Variants in PKD1 observed in about 807,000 individuals in gnomAD.
The protein encoded by PKD1 is polycystin 1, transient receptor potential channel interacting.
In PKD1, 81 loss-of-function variants were observed where a neutral mutation model predicts 361.7. That is an observed-to-expected ratio of 0.22 (90% CI 0.19 to 0.27). PKD1 has a LOEUF of 0.27. Among genes scored for constraint, PKD1 ranks in the 10% least tolerant of loss-of-function variants. The pLI is 1.00. For missense variants in PKD1, 6,399 were observed against 6,118.3 expected (o/e 1.05, Z -1.53); for synonymous variants, 3,615 against 2,818.3 (o/e 1.28, Z -8.95).
At position 2,111,321 on chromosome 16, in the gene PKD1, G is replaced by A; in HGVS notation, c.3846C>T (p.His1282=). The A allele has an allele frequency of 6.2e-7, 1 of 1,608,874 alleles. No individual in the cohort carries two copies. Among genetic ancestry groups the A allele is most frequent in the South Asian group, 1.1e-5 (1 of 90,910 alleles). ...CCAGCACGTGCAGGCTCCGGGCCAG[G>A]TGGCCGGCGGGGCTGGCCGCACCCA... ...VTVGAASPAG[H]LARSLHVLVF... is the part of the protein sequence containing the mutation. The change falls in exon 15 of 46, where the codon CAC becomes CAT. Residue 1282 remains histidine (H), a synonymous_variant. Coordinates refer to ENST00000262304, the MANE Select transcript of PKD1 (RefSeq NM_001009944.3).
At chr16:2,093,485 G>T in intron 37 of PKD1, 59 bp downstream of exon 37, 1 of 1,469,076 alleles carries the variant, frequency 6.8e-7, no homozygotes. Context: ...GCGTGCATGG[G>T]TGGGAGGTGG....
rs1473931159 is a variant in PKD1 at position 2,135,881 on chromosome 16, A to C, written c.-192T>G. On this transcript the variant is annotated 5_prime_UTR_variant, in exon 1 of 46. Transcript: ENST00000262304. The stretch of plus-strand genomic sequence containing the variant: ...TCCGGGAGCTCGGCCGCCCGCTCGG[A>C]CGCTGGCGCTGCAGTGCGGGCCCCG... 1 of 216,978 alleles carries C rather than the reference A, an allele frequency of 4.6e-6. No homozygotes were observed. The highest frequency in any genetic ancestry group is 7.7e-6 in the Non-Finnish European group (1 of 129,252). 13.4% of individuals were successfully genotyped at this position (216,978 alleles called of 1,614,324 possible).
chr16:2,092,011 C>T, intron 40 of PKD1, 36 bp downstream of exon 40: 3 of 1,612,660 alleles, frequency 1.9e-6, no homozygotes, highest in Non-Finnish European at 2.5e-6. Context: ...CTCCCTTGTC[C>T]TTGGCGTAGA....
chr16:2,118,712 G>C lies in PKD1; in HGVS notation c.493C>G (p.Pro165Ala). 1 of 1,477,346 alleles carries C rather than the reference G, an allele frequency of 6.8e-7. No homozygotes were observed. The highest frequency in any genetic ancestry group is 9.2e-7 in the Non-Finnish European group (1 of 1,087,130). 91.5% of individuals were successfully genotyped at this position (1,477,346 alleles called of 1,614,324 possible). A position where few individuals can be genotyped will look rare whatever the true frequency, so the allele number is the denominator to read the frequency against. Residue 165 changes from proline to alanine, a missense_variant, in exon 4 of 46, where the codon CCT (proline) becomes GCT (alanine). Transcript: ENST00000262304. This position sits in a 1 kb window ranked among gnomAD's most constrained non-coding sequence, Gnocchi z 6.0. ...TCCAGCAAGGGGATGCCAAGCAGAGGCTGGCCAGCCAGGGAGCCAGGCCCA... is the reference window on the plus strand; with the variant it reads ...TCCAGCAAGGGGATGCCAAGCAGAGCCTGGCCAGCCAGGGAGCCAGGCCCA... ...CAGPGSLAGQ[P>A]LLGIPLLDSG...
chr16:2,107,176 T>A, intron 16 of PKD1: 2 of 588,882 alleles, frequency 3.4e-6, no homozygotes, highest in Non-Finnish European at 6.2e-6. Context: ...TCTGGTGTAC[T>A]GGACCCAGCT....
In PKD1 at chr16:2,118,225, G is replaced by A. The variant is rs866630522; in HGVS notation, c.767C>T (p.Ala256Val). The A allele has an allele frequency of 1.3e-6, 2 of 1,530,774 alleles. No homozygotes were observed. Among genetic ancestry groups the A allele is most frequent in the Non-Finnish European group, 1.8e-6 (2 of 1,140,726 alleles). The allele number at this position is 1,530,774 out of a possible 1,614,324, so 94.8% of individuals were successfully genotyped here. ...SLCSGPPPPPAPTCRGPTLLQ... is the reference protein window; with the variant it reads ...SLCSGPPPPPVPTCRGPTLLQ... Reference sequence around the variant, plus strand: ...GAGGGTGGGGCCCCTACAGGTGGGGGCAGGAGGTGGCGGGGGGCCGGAGCA... The same window carrying A: ...GAGGGTGGGGCCCCTACAGGTGGGGACAGGAGGTGGCGGGGGGCCGGAGCA... The change falls in exon 5 of 46, where the codon GCC (alanine) becomes GTC (valine). Residue 256 changes from alanine to valine, a missense_variant. Physicochemically the swap from Ala to Val is moderately conservative, Grantham distance 64 (BLOSUM62 0). Transcript: ENST00000262304. This position sits in a 1 kb window ranked among gnomAD's most constrained non-coding sequence, Gnocchi z 6.0.
At chr16:2,090,639 G>T in intron 44 of PKD1, 35 bp downstream of exon 44, 1 of 1,610,122 alleles carries the variant, frequency 6.2e-7, no homozygotes, top group Non-Finnish European at 8.5e-7. Flanking sequence ...GCTGAGCTGA[G>T]CTAAGACGCC....
At chr16:2,093,366 T>G (rs1567156985) in intron 37 of PKD1, 178 bp downstream of exon 37, 1 of 709,170 alleles carries the variant, frequency 1.4e-6, no homozygotes. Context: ...TGGCAGGGAC[T>G]GGGGCAGCAA....
At chr16:2,114,122 T>C (rs1218217091) in intron 11 of PKD1, 48 bp downstream of exon 11, 5 of 1,547,788 alleles carry the variant, frequency 3.2e-6, no homozygotes, top group Non-Finnish European at 3.5e-6. Context: ...GCACCCTGTC[T>C]GCAGGCACCT....
At position 2,091,905 on chromosome 16, in the gene PKD1, C is replaced by A. The variant is rs577599260; in HGVS notation, c.11413G>T (p.Ala3805Ser). The A allele has an allele frequency of 1.9e-6, 3 of 1,611,520 alleles. No individual in the cohort carries two copies. The highest frequency in any genetic ancestry group is 2.2e-5 in the East Asian group (1 of 44,870). The change falls in exon 41 of 46, where the codon GCA (alanine) becomes TCA (serine). Residue 3805 changes from alanine to serine, a missense_variant and splice_region_variant. By Grantham distance (99) the Ala-to-Ser change is moderately conservative. Coordinates refer to ENST00000262304, the MANE Select transcript of PKD1 (RefSeq NM_001009944.3). ...WAYSAPDLLGAWSWGSCAVYD... is the reference protein window; with the variant it reads ...WAYSAPDLLGSWSWGSCAVYD... ...ACGGCACAGGAGCCCCAGGACCATG[C>A]CCTGCCGGAGAGGGGTGGCGTGGGT...
chr16:2,092,705 A>G, intron 38 of PKD1, 113 bp from the exon 39 acceptor site: 1 of 884,030 alleles, frequency 1.1e-6, no homozygotes, highest in East Asian at 2.6e-5. Context: ...GGCCACGGCT[A>G]GACCTGGGCT....
rs2092202368 is a variant in PKD1, at chr16:2,103,725, C to CCGCCAG, written c.8326_8331dup (p.Leu2776_Ala2777dup). On this transcript the variant is annotated inframe_insertion, in exon 23 of 46. Transcript: ENST00000262304. ...TTGCCCTGGGCCACGATCTCCTCGC[C>CCGCCAG]CGCCAGCGTCAGGGGCTCCTCGTTG... The CCGCCAG allele has an allele frequency of 6.2e-7, 1 of 1,609,844 alleles. No homozygotes were observed. Among genetic ancestry groups the CCGCCAG allele is most frequent in the African/African-American group, 1.3e-5 (1 of 74,752 alleles).
chr16:2,110,903 C>A lies in PKD1; in HGVS notation c.4264G>T (p.Ala1422Ser). The A allele has an allele frequency of 6.2e-7, 1 of 1,611,396 alleles. No homozygotes were observed. The highest frequency in any genetic ancestry group is 8.5e-7 in the Non-Finnish European group (1 of 1,179,830). Reference sequence around the variant, plus strand: ...TCAGGGCCCCTGGCACGGGTGGGGGCGGCTTCCTCGGTGCCAAAGTCCCAG... The same window carrying A: ...TCAGGGCCCCTGGCACGGGTGGGGGAGGCTTCCTCGGTGCCAAAGTCCCAG... ...YTWDFGTEEA[A>S]PTRARGPEVT... Residue 1422 changes from alanine (A) to serine (S), a missense_variant, in exon 15 of 46, where the codon GCC (alanine) becomes TCC (serine). Coordinates refer to ENST00000262304, the MANE Select transcript of PKD1 (RefSeq NM_001009944.3).
At chr16:2,113,680 G>A (rs970429984) in intron 11 of PKD1, 1 of 382,484 alleles carries the variant, frequency 2.6e-6, no homozygotes, top group African/African-American at 2.1e-5. Flanking sequence ...ACCCAGGACA[G>A]GCTGCACAGG....
chr16:2,092,947 C>G lies in PKD1; in HGVS notation c.11156+7G>C. 4 of 1,612,986 alleles carry G rather than the reference C, an allele frequency of 2.5e-6. No homozygotes were observed. Among genetic ancestry groups the G allele is most frequent in the Non-Finnish European group, 3.4e-6 (4 of 1,179,998 alleles). The stretch of plus-strand genomic sequence containing the variant: ...AGAAGACAGACCAGTGCACCGGATG[C>G]CCGTACCGCGTGATGGCCAGGAAGG... On this transcript the variant is annotated splice_region_variant and intron_variant, in intron 38 of 45. Transcript: ENST00000262304.
intron 41 of PKD1, 44 bp from the exon 42 acceptor site, chr16:2,091,641 G>C: frequency 6.4e-7 from 1 of 1,557,446 alleles, no homozygotes; most frequent in Non-Finnish European, 8.6e-7. Context: ...GGCAGGGCGG[G>C]AGCTGCGGGG....
rs762207724 is a variant in PKD1, at chr16:2,090,395, C to A, written c.12334G>T (p.Ala4112Ser). 6.2e-7 allele frequency: 1 copy of A among 1,612,686 alleles called. No individual in the cohort carries two copies. Among genetic ancestry groups the A allele is most frequent in the South Asian group, 1.1e-5 (1 of 91,088 alleles). ...GGCCGGTACAGCTCTCCACGCAAGG[C>A]GTGGTAGCGCCAGCGGAGAATAACA... is the stretch of plus-strand genomic sequence containing the variant. ...GAVILRWRYH[A>S]LRGELYRPAW... The change falls in exon 45 of 46, where the codon GCC becomes TCC. Residue 4112 changes from alanine to serine, a missense_variant. Ala to Ser is a moderately conservative substitution (Grantham distance 99). Coordinates refer to ENST00000262304, the MANE Select transcript of PKD1 (RefSeq NM_001009944.3).
Position 2,093,891 on chromosome 16 carries a change from G to A in PKD1, c.10741C>T (p.Pro3581Ser). The change falls in exon 36 of 46, where the codon CCC becomes TCC. Residue 3581 changes from proline (P) to serine (S), a missense_variant. Physicochemically the swap from Pro to Ser is moderately conservative, Grantham distance 74. Transcript: ENST00000262304. ...AVSGWVGASF[P>S]PGVSVAWLLS... is the part of the protein sequence containing the mutation. ...AGCCACGCAACACTCACGCCCGGGG[G>A]GAAGCTCGCACCCACCCACCCTGAG... 1.3e-6 allele frequency: 2 copies of A among 1,578,586 alleles called. No individual in the cohort carries two copies. The highest frequency in any genetic ancestry group is 2.3e-5 in the East Asian group (1 of 43,302).
rs528333610 is a variant in PKD1 at position 2,108,051 on chromosome 16, G to A, written c.6916-19C>T. 412 of 1,571,356 alleles carry A rather than the reference G, an allele frequency of 2.6e-4. 4 individuals carry two copies. Among genetic ancestry groups the A allele is most frequent in the South Asian group, 2.4e-3 (210 of 87,052 alleles). ...CCTCCCTCTGCAGGCCGAGAACAAG[G>A]GGCGACGTGGCCTGAGAGCCCCATC... is the stretch of plus-strand genomic sequence containing the variant. On this transcript the variant is annotated intron_variant, in intron 15 of 45. Coordinates refer to ENST00000262304, the MANE Select transcript of PKD1 (RefSeq NM_001009944.3).
Sources: gnomAD v4.1 joint callset for allele counts on GRCh38, gnomAD v4.1.1 for gene constraint, Gnocchi (gnomAD v3.1) non-coding constraint, MANE v1.5 for transcripts, NCBI Gene and HGNC (gene_info 2026-07-23, HGNC 2026-07-21) for gene names.